The following CDNF variants were observed in gnomAD, a reference collection of about 807,000 sequenced individuals.
The protein encoded by CDNF is ARMET-like protein 1.
Under a neutral mutation model 14.8 loss-of-function variants are expected in CDNF, and 9 were observed. The ratio of observed to expected loss-of-function variants is 0.61; its 90% CI spans 0.37 to 1.06. The LOEUF is 1.06. Ranked by LOEUF, CDNF falls within the 50% of genes least tolerant of loss-of-function variation. The pLI, the probability that CDNF is intolerant of heterozygous loss-of-function variation, is 0.01. For missense variants in CDNF, 228 were observed against 228.4 expected, an observed-to-expected ratio of 1.00 and a Z score of 0.01; for synonymous variants, 86 against 87.2, an observed-to-expected ratio of 0.99 and a Z score of 0.07.
intron 3 of CDNF, 93 bp from the exon 4 acceptor site, chr10:14,820,251 G>A: frequency 8.2e-7 from 1 of 1,215,456 alleles, no homozygotes. Flanking sequence ...TGCTTATCTT[G>A]GTGCTGACTA....
intron 3 of CDNF, among the ~76,000 whole-genome samples, chr10:14,824,275 T>C (rs534164774): frequency 1.3e-5 from 2 of 152,252 alleles, no homozygotes; most frequent in East Asian, 3.9e-4. Flanking sequence ...GATCTATCCA[T>C]GTGAAATGTA....
intron 3 of CDNF, among the ~76,000 whole-genome samples, chr10:14,824,250 C>A (rs548064062): frequency 1.3e-5 from 2 of 152,128 alleles, no homozygotes; most frequent in Non-Finnish European, 2.9e-5. Context: ...AGCCCAGATA[C>A]AAATCATGAT....
rs61740068 is a variant in CDNF at position 14,820,141 on chromosome 10, C to A, written c.403G>T (p.Ala135Ser). 4,383 of 1,608,798 alleles carry A rather than the reference C, an allele frequency of 2.7e-3. 98 individuals are homozygous for A. The African/African-American group carries it at 0.051, about 19-fold the overall frequency. ...ELKYEKTLDL[A>S]SVDLRKMRVA... The stretch of plus-strand genomic sequence containing the variant: ...CTCATCTTCCGCAGGTCAACTGATG[C>A]CAAGTCCAGTGTTTTTTCTAAATGG... Residue 135 changes from alanine to serine, a missense_variant, in exon 4 of 4, where the codon GCA (alanine) becomes TCA (serine). Physicochemically the swap from Ala to Ser is moderately conservative, Grantham distance 99 (BLOSUM62 1). Coordinates refer to ENST00000465530, the MANE Select transcript of CDNF (RefSeq NM_001029954.3).
intron 1 of CDNF, among the ~76,000 whole-genome samples, chr10:14,836,049 TGTAAC>T (rs1833883197): frequency 6.6e-6 from 1 of 152,262 alleles, no homozygotes; most frequent in Admixed American, 6.5e-5. Flanking sequence ...ATTTTGTAAA[TGTAAC>T]GAAACATATC....
rs1833752681 is a variant in CDNF at position 14,823,256 on chromosome 10, AT to A, written c.385+2222del. Among the ~76,000 whole-genome samples the A allele has an allele frequency of 2.0e-5, 3 of 152,198 alleles. No homozygotes were observed. In the South Asian group the frequency reaches 6.2e-4, roughly 32 times the overall value. ...CTAGAGAACTTGGTATCTGGCATTA[AT>A]TTTAAAAAGAGGAAAACCTCTGTGA... On this transcript the variant is annotated intron_variant, in intron 3 of 3. Coordinates refer to ENST00000465530, the MANE Select transcript of CDNF (RefSeq NM_001029954.3).
At chr10:14,829,219 A>G in intron 1 of CDNF, among the ~76,000 whole-genome samples, 1 of 152,246 alleles carries the variant, frequency 6.6e-6, no homozygotes, top group East Asian at 1.9e-4. Flanking sequence ...TCATCTTGGG[A>G]CAGCATAATT....
At chr10:14,831,569 T>C (rs111644371) in intron 1 of CDNF, among the ~76,000 whole-genome samples, 1,980 of 133,282 alleles carry the variant, frequency 0.015, 21 homozygotes, top group Non-Finnish European at 0.021. Context: ...CACACACACA[T>C]ATATATATAT....
intron 3 of CDNF, among the ~76,000 whole-genome samples, chr10:14,823,760 C>T (rs767303705): frequency 1.3e-5 from 2 of 152,198 alleles, no homozygotes; most frequent in African/African-American, 2.4e-5. Context: ...CTCCTGGGCT[C>T]AAATGATCCT....
rs111346775 is a variant in CDNF, at chr10:14,827,882, ACT to A, written c.243+261_243+262del. On this transcript the variant is annotated intron_variant, in intron 2 of 3. Coordinates refer to ENST00000465530, the MANE Select transcript of CDNF (RefSeq NM_001029954.3). ...ACTCTAGCCTGGGCAACAGAGCAAG[ACT>A]CTGTCTCAGAAAAAGAAAAAAGAAA... 9.1e-3 allele frequency among the ~76,000 whole-genome samples: 1,379 copies of A among 152,182 alleles called. 17 individuals carry two copies. The highest frequency in any genetic ancestry group is 0.03 in the African/African-American group (1,264 of 41,500).
At chr10:14,824,792 A>G (rs1030455423) in intron 3 of CDNF, among the ~76,000 whole-genome samples, 6 of 152,066 alleles carry the variant, frequency 3.9e-5, no homozygotes, top group African/African-American at 1.4e-4. Context: ...TACATCTTCA[A>G]AGTCCTTGTA....
In CDNF at chr10:14,823,208, G is replaced by A. The variant is rs573589202; in HGVS notation, c.385+2271C>T. Among the ~76,000 whole-genome samples, 32 of 152,264 alleles carry A rather than the reference G, an allele frequency of 2.1e-4. No individual in the cohort carries two copies. In the South Asian group the frequency reaches 6.6e-3, roughly 32 times the overall value. On this transcript the variant is annotated intron_variant, in intron 3 of 3. Transcript: ENST00000465530. The stretch of plus-strand genomic sequence containing the variant: ...GAGAAAAATACATTTTTTTGTAAAT[G>A]TCAGTAGTTTCTTTGAGTTTTTCTA...
intron 2 of CDNF, among the ~76,000 whole-genome samples, chr10:14,826,041 A>AAGG (rs1833780430): frequency 4.3e-5 from 4 of 93,350 alleles, no homozygotes; most frequent in Non-Finnish European, 8.5e-5. Flanking sequence ...GAAGAAGAAG[A>AAGG]AGAAGAAGAA....
intron 1 of CDNF, among the ~76,000 whole-genome samples, chr10:14,833,013 C>T (rs1280253643): frequency 4.6e-5 from 7 of 151,718 alleles, no homozygotes; most frequent in African/African-American, 7.3e-5. Flanking sequence ...GCGCATGTCA[C>T]CACACCTAGC....
chr10:14,831,964 G>T (rs150430074), intron 1 of CDNF, among the ~76,000 whole-genome samples: 1 of 152,096 alleles, frequency 6.6e-6, no homozygotes, highest in African/African-American at 2.4e-5. Flanking sequence ...TTTACTAAGC[G>T]ACTAGTAAGT....
chr10:14,825,641 T>C (rs373556122), intron 2 of CDNF, 21 bp from the exon 3 acceptor site: 6 of 1,611,940 alleles, frequency 3.7e-6, no homozygotes, highest in South Asian at 2.2e-5. Context: ...ATGAAGAGAA[T>C]TGAGTGTTCC....
intron 1 of CDNF, among the ~76,000 whole-genome samples, chr10:14,829,524 T>C (rs1279431535): frequency 6.6e-6 from 1 of 152,218 alleles, no homozygotes; most frequent in Admixed American, 6.5e-5. Context: ...TCCTTATATC[T>C]TGAAGATACT....
rs771808587 is a variant in CDNF, at chr10:14,837,938, G to A, written c.9C>T (p.Cys3=). The stretch of plus-strand genomic sequence containing the variant: ...AGGCCACCACAGCAACTGGGCTCGC[G>A]CACCACATGCTGGGCCAGCAGCTTC... MW[C]ASPVAVVAFC... is the part of the protein sequence containing the mutation. The change falls in exon 1 of 4, where the codon TGC becomes TGT. Residue 3 remains cysteine, a synonymous_variant. Coordinates refer to ENST00000465530, the MANE Select transcript of CDNF (RefSeq NM_001029954.3). 1.3e-6 allele frequency: 2 copies of A among 1,594,810 alleles called. No homozygotes were observed. Among genetic ancestry groups the A allele is most frequent in the East Asian group, 2.3e-5 (1 of 44,246 alleles).
chr10:14,828,301 T>C (rs1158792275), intron 1 of CDNF, 29 bp from the exon 2 acceptor site: 3 of 1,610,808 alleles, frequency 1.9e-6, no homozygotes, highest in Admixed American at 1.7e-5. Flanking sequence ...TATGTCTGCA[T>C]GCACAACTTA....
At chr10:14,820,858 G>T (rs1002657472) in intron 3 of CDNF, among the ~76,000 whole-genome samples, 1 of 152,190 alleles carries the variant, frequency 6.6e-6, no homozygotes, top group Non-Finnish European at 1.5e-5. Flanking sequence ...GTTGGAAGGT[G>T]ATTGGATCAT....
Sources: gnomAD v4.1 joint callset for allele counts (sites outside exome capture counted in the v4.1 genomes callset) on GRCh38, gnomAD v4.1.1 for gene constraint, MANE v1.5 for transcripts, NCBI Gene and HGNC (gene_info 2026-07-23, HGNC 2026-07-21) for gene names.